The following CRACR2A variants were observed in gnomAD, a reference collection of about 807,000 sequenced individuals.
The protein encoded by CRACR2A is EF-hand calcium-binding domain-containing protein 4B.
CRACR2A carries 79 observed loss-of-function variants against 90.5 expected under a neutral mutation model. The ratio of observed to expected loss-of-function variants is 0.87; its 90% confidence interval spans 0.73 to 1.05. The LOEUF is 1.05. Ranked by LOEUF, CRACR2A falls within the 50% of genes least tolerant of loss-of-function variation. The probability of loss-of-function intolerance (pLI) is 0.00; values close to 1 mark genes in which losing one functional copy is unlikely to be tolerated. For synonymous variants in CRACR2A, 338 were observed against 356.7 expected, an observed-to-expected ratio of 0.95 and a Z score of 0.59; for missense variants, 823 against 897.2, an observed-to-expected ratio of 0.92 and a Z score of 1.06.
chr12:3,629,979 T>G (rs1222865090), intron 15 of CRACR2A, among the ~76,000 whole-genome samples: 1 of 152,036 alleles, frequency 6.6e-6, no homozygotes, highest in East Asian at 1.9e-4. Context: ...CTACCACCAG[T>G]TCTGAAATCC....
At chr12:3,655,569 G>C (rs1944887730) in intron 9 of CRACR2A, among the ~76,000 whole-genome samples, 2 of 152,228 alleles carry the variant, frequency 1.3e-5, no homozygotes, top group Non-Finnish European at 1.5e-5. Context: ...CAGGAGGCCA[G>C]TGGCACCCTA....
intron 7 of CRACR2A, among the ~76,000 whole-genome samples, chr12:3,673,016 CA>C (rs1343722153): frequency 1.3e-5 from 2 of 152,200 alleles, no homozygotes; most frequent in African/African-American, 4.8e-5. Flanking sequence ...TGGAGGCAAG[CA>C]GAGTGATTTT....
At chr12:3,657,162 C>T (rs530270696) in intron 8 of CRACR2A, among the ~76,000 whole-genome samples, 2 of 152,246 alleles carry the variant, frequency 1.3e-5, no homozygotes, top group Admixed American at 1.3e-4. Flanking sequence ...TGGGTTCCAG[C>T]CCTGGCTTCA....
At chr12:3,737,814 G>T (rs985020199) in intron 1 of CRACR2A, among the ~76,000 whole-genome samples, 1 of 152,328 alleles carries the variant, frequency 6.6e-6, no homozygotes, top group African/African-American at 2.4e-5. Context: ...GAATTCCAAG[G>T]CATCAAGTCC....
intron 7 of CRACR2A, chr12:3,672,748 T>A (rs1171860459): frequency 1.0e-6 from 1 of 985,342 alleles, no homozygotes; most frequent in Non-Finnish European, 1.2e-6. Flanking sequence ...CTGACTCTGG[T>A]TCAGTTCTTC....
intron 6 of CRACR2A, among the ~76,000 whole-genome samples, chr12:3,677,194 A>C (rs1050052958): frequency 9.2e-5 from 14 of 152,220 alleles, no homozygotes. Flanking sequence ...CTTCCAGAAC[A>C]ACACACAAAT....
At chr12:3,704,137 T>C (rs537549839) in intron 3 of CRACR2A, among the ~76,000 whole-genome samples, 11 of 152,328 alleles carry the variant, frequency 7.2e-5, no homozygotes, top group African/African-American at 2.6e-4. Context: ...GCACTTTTAT[T>C]TGTAATAGCA....
At chr12:3,671,281 A>G (rs1190299074) in intron 7 of CRACR2A, among the ~76,000 whole-genome samples, 1 of 152,146 alleles carries the variant, frequency 6.6e-6, no homozygotes, top group Non-Finnish European at 1.5e-5. Flanking sequence ...GGGAGAGACC[A>G]CTTAACTTTT....
intron 1 of CRACR2A, among the ~76,000 whole-genome samples, chr12:3,741,628 T>C (rs1277568245): frequency 6.6e-6 from 1 of 152,112 alleles, no homozygotes; most frequent in Non-Finnish European, 1.5e-5. Flanking sequence ...AAGCTGAACA[T>C]AAAACACGCT....
At position 3,655,103 on chromosome 12, in the gene CRACR2A, T is replaced by C. The variant is rs75353777; in HGVS notation, c.859-704A>G. Among the ~76,000 whole-genome samples the C allele has an allele frequency of 5.6e-4, 86 of 152,298 alleles. No homozygotes were observed. In the East Asian group the frequency reaches 0.014, roughly 26 times the overall value. On this transcript the variant is annotated intron_variant, in intron 9 of 19. Transcript: ENST00000440314. ...GAATCAAACCAAGGTACATATATCA[T>C]AATAAATTTAGTTTAATGAATATGG... is the stretch of plus-strand genomic sequence containing the variant.
At chr12:3,700,098 G>A (rs572798099) in intron 3 of CRACR2A, among the ~76,000 whole-genome samples, 1 of 152,284 alleles carries the variant, frequency 6.6e-6, no homozygotes, top group African/African-American at 2.4e-5. Flanking sequence ...ATTGAGCTGA[G>A]TGAAGCCCCT....
intron 3 of CRACR2A, among the ~76,000 whole-genome samples, chr12:3,700,756 A>G (rs1425541901): frequency 1.3e-5 from 2 of 152,242 alleles, no homozygotes; most frequent in African/African-American, 4.8e-5. Context: ...CAAAGTCACA[A>G]TGATATCCAA....
At chr12:3,617,065 T>C (rs913538490) in intron 18 of CRACR2A, 35 bp from the exon 19 acceptor site, 1 of 1,502,558 alleles carries the variant, frequency 6.7e-7, no homozygotes. Flanking sequence ...ACAAGAGTAT[T>C]GGAGTGAGAG....
chr12:3,746,615 A>G lies in CRACR2A; in HGVS notation c.-387+6400T>C, dbSNP rs185242237. ...TTTTGTTCTGTCTGCCAGAACAAAG[A>G]CATCCCCTCAAAGGGAGTATGCATG... On this transcript the variant is annotated intron_variant, in intron 1 of 19. Coordinates refer to ENST00000440314, the MANE Select transcript of CRACR2A (RefSeq NM_001144958.2). The surrounding 1 kb of genome is among the most constrained non-coding windows in gnomAD (Gnocchi z 4.4). Among the ~76,000 whole-genome samples the G allele has an allele frequency of 5.7e-4, 87 of 152,358 alleles. 1 individual carries two copies. The highest frequency in any genetic ancestry group is 2.1e-3 in the African/African-American group (87 of 41,590).
At chr12:3,714,624 T>C (rs953687940) in intron 2 of CRACR2A, among the ~76,000 whole-genome samples, 2 of 152,262 alleles carry the variant, frequency 1.3e-5, no homozygotes, top group African/African-American at 4.8e-5. Flanking sequence ...TTCTAGATGG[T>C]AACCTTAAGA....
chr12:3,644,993 C>CCATT (rs1343879163), intron 11 of CRACR2A, among the ~76,000 whole-genome samples: 12 of 152,188 alleles, frequency 7.9e-5, no homozygotes, highest in South Asian at 2.1e-4. Context: ...TCTCTGTGCA[C>CCATT]CATTCATTCA....
intron 8 of CRACR2A, among the ~76,000 whole-genome samples, chr12:3,657,047 C>A (rs1944923265): frequency 6.6e-6 from 1 of 152,186 alleles, no homozygotes; most frequent in African/African-American, 2.4e-5. Flanking sequence ...GAGAAGGGGC[C>A]TGGCTATGGG....
chr12:3,694,163 G>C (rs1945698944), intron 4 of CRACR2A, among the ~76,000 whole-genome samples: 1 of 152,216 alleles, frequency 6.6e-6, no homozygotes, highest in Admixed American at 6.5e-5. Context: ...CTGAAGATCT[G>C]TTAGGAGTGC....
chr12:3,688,778 A>T (rs1246237447), intron 4 of CRACR2A, among the ~76,000 whole-genome samples: 1 of 152,256 alleles, frequency 6.6e-6, no homozygotes, highest in Non-Finnish European at 1.5e-5. Context: ...CGCTTTAGGC[A>T]GTATGGCCAT....
Sources: allele counts gnomAD v4.1 joint callset (sites outside exome capture counted in the v4.1 genomes callset), GRCh38; gene constraint gnomAD v4.1.1; non-coding constraint Gnocchi (gnomAD v3.1); transcripts MANE v1.5; gene names NCBI Gene and HGNC (gene_info 2026-07-23, HGNC 2026-07-21).